The following SLC9C1 variants were observed in gnomAD, a reference collection of about 807,000 sequenced individuals.
SLC9C1 encodes the protein solute carrier family 9 member C1, also known as sodium/hydrogen exchanger 10.
In SLC9C1, 97 loss-of-function variants were observed where a neutral mutation model predicts 140.9. The ratio of observed to expected loss-of-function variants is 0.69; its 90% CI spans 0.58 to 0.82. SLC9C1 has a LOEUF of 0.82. SLC9C1 is among the 40% of genes least tolerant of loss of function. The probability of loss-of-function intolerance (pLI) is 0.00; values close to 1 mark genes in which losing one functional copy is unlikely to be tolerated. For missense variants in SLC9C1, 1,340 were observed against 1,389.3 expected, an observed-to-expected ratio of 0.96 and a Z score of 0.56; for synonymous variants, 440 against 442.6, an observed-to-expected ratio of 0.99 and a Z score of 0.07.
rs191148950 is a variant in SLC9C1 at position 112,183,061 on chromosome 3, C to T, written c.2524-803G>A. 1.5e-3 allele frequency among the ~76,000 whole-genome samples: 225 copies of T among 152,206 alleles called. 3 individuals carry two copies. The highest frequency in any genetic ancestry group is 0.013 in the East Asian group (66 of 5,190). The stretch of plus-strand genomic sequence containing the variant: ...GGGGTTTTTATGAGTAATGCCGCTA[C>T]GAATATAGTGTACAGATGTACATAT... On this transcript the variant is annotated intron_variant, in intron 20 of 28. Transcript: ENST00000305815.
intron 20 of SLC9C1, among the ~76,000 whole-genome samples, chr3:112,192,474 C>T (rs2077683750): frequency 6.6e-6 from 1 of 151,904 alleles, no homozygotes; most frequent in African/African-American, 2.4e-5. Flanking sequence ...ATGTATATAC[C>T]ACATTTTGCT....
chr3:112,222,208 A>G (rs1216693001), intron 13 of SLC9C1, among the ~76,000 whole-genome samples: 1 of 152,218 alleles, frequency 6.6e-6, no homozygotes, highest in African/African-American at 2.4e-5. Context: ...TGAAGATTAT[A>G]TGGATCTCGC....
At chr3:112,254,089 T>C (rs2079538701) in intron 10 of SLC9C1, among the ~76,000 whole-genome samples, 1 of 152,152 alleles carries the variant, frequency 6.6e-6, no homozygotes, top group South Asian at 2.1e-4. Context: ...TATGGGATTA[T>C]GTAAAGGGGT....
At chr3:112,269,402 G>A (rs549524012) in intron 7 of SLC9C1, among the ~76,000 whole-genome samples, 18 of 152,164 alleles carry the variant, frequency 1.2e-4, no homozygotes, top group Non-Finnish European at 2.1e-4. Flanking sequence ...AAGCCACCAC[G>A]CCTGGTAGGA....
chr3:112,188,919 C>G (rs535572932), intron 20 of SLC9C1, among the ~76,000 whole-genome samples: 10 of 152,082 alleles, frequency 6.6e-5, no homozygotes, highest in African/African-American at 1.7e-4. Context: ...TTTTAATGAT[C>G]GCCATTCTAA....
intron 20 of SLC9C1, chr3:112,185,496 A>G (rs1267134132): frequency 1.2e-6 from 2 of 1,610,812 alleles, no homozygotes; most frequent in Non-Finnish European, 1.7e-6. Flanking sequence ...CTGGCTGATG[A>G]TCTCTCCTTT....
chr3:112,269,006 T>C (rs960007246), intron 7 of SLC9C1, among the ~76,000 whole-genome samples: 1 of 152,220 alleles, frequency 6.6e-6, no homozygotes, highest in African/African-American at 2.4e-5. Context: ...ATAACATTGA[T>C]AGATACTCTA....
intron 28 of SLC9C1, among the ~76,000 whole-genome samples, chr3:112,149,315 T>C (rs2074891968): frequency 6.7e-6 from 1 of 149,974 alleles, no homozygotes; most frequent in South Asian, 2.1e-4. Context: ...GTGGGTACTC[T>C]GAATGCCGGT....
At chr3:112,180,148 A>G (rs991784088) in intron 22 of SLC9C1, among the ~76,000 whole-genome samples, 1 of 152,242 alleles carries the variant, frequency 6.6e-6, no homozygotes, top group Non-Finnish European at 1.5e-5. Context: ...GAAACTATGC[A>G]GTTCTTAACA....
chr3:112,223,376 C>A (rs1223505674), intron 13 of SLC9C1, among the ~76,000 whole-genome samples: 1 of 152,060 alleles, frequency 6.6e-6, no homozygotes, highest in African/African-American at 2.4e-5. Flanking sequence ...GCCATGGGTA[C>A]AAGGCCTAGT....
At chr3:112,220,103 C>T (rs2078500129) in intron 14 of SLC9C1, among the ~76,000 whole-genome samples, 1 of 151,898 alleles carries the variant, frequency 6.6e-6, no homozygotes, top group Admixed American at 6.6e-5. Context: ...GACCCTGGTA[C>T]CATAGATGAA....
In SLC9C1 at chr3:112,208,222, T is replaced by C. The variant is rs749189605; in HGVS notation, c.1942A>G (p.Asn648Asp). The C allele has an allele frequency of 2.2e-5, 35 of 1,610,628 alleles. No homozygotes were observed. Among genetic ancestry groups the C allele is most frequent in the Non-Finnish European group, 2.7e-5 (32 of 1,178,728 alleles). Residue 648 changes from asparagine to aspartate, a missense_variant, in exon 16 of 29, where the codon AAC (asparagine) becomes GAC (aspartate). Transcript: ENST00000305815. The stretch of plus-strand genomic sequence containing the variant: ...ATATAAAGTGTAAGAAAACAGTAGT[T>C]AGTGTGTTTTAATTCGCTGTGGTAG... ...VIYHSELKHT[N>D]YCFLTLYILE... is the part of the protein sequence containing the mutation.
At chr3:112,258,858 A>G (rs2079687250) in intron 10 of SLC9C1, among the ~76,000 whole-genome samples, 1 of 152,116 alleles carries the variant, frequency 6.6e-6, no homozygotes, top group African/African-American at 2.4e-5. Flanking sequence ...ACTTACAATC[A>G]CGGCAGAAGG....
intron 6 of SLC9C1, among the ~76,000 whole-genome samples, chr3:112,271,394 T>TATATATATATATATATATATATATATAC (rs1491123190): frequency 2.2e-5 from 1 of 44,456 alleles, no homozygotes; most frequent in Admixed American, 3.0e-4. Context: ...TTCTACATTG[T>TATATATATATATATATATATATATATAC]ATATATATAT....
chr3:112,228,938 GATGA>G (rs1271045867), intron 13 of SLC9C1, among the ~76,000 whole-genome samples: 1 of 145,644 alleles, frequency 6.9e-6, no homozygotes, highest in Non-Finnish European at 1.6e-5. Flanking sequence ...TCCATCAATA[GATGA>G]ATGGATACAG....
chr3:112,192,514 G>A (rs527596393), intron 20 of SLC9C1, among the ~76,000 whole-genome samples: 17 of 152,182 alleles, frequency 1.1e-4, no homozygotes, highest in Non-Finnish European at 2.1e-4. Flanking sequence ...GGACACTTGG[G>A]TGGTGTCTAC....
intron 10 of SLC9C1, among the ~76,000 whole-genome samples, chr3:112,259,357 G>A (rs2108283496): frequency 6.6e-6 from 1 of 151,190 alleles, no homozygotes; most frequent in Middle Eastern, 3.4e-3. Context: ...AACTAGGCTT[G>A]GTACCTGGGT....
intron 13 of SLC9C1, among the ~76,000 whole-genome samples, chr3:112,224,744 CAAAAGAGAAAGAAAAAAGAGA>C (rs2078635482): frequency 7.1e-6 from 1 of 140,676 alleles, no homozygotes; most frequent in Admixed American, 7.2e-5. Flanking sequence ...CCATGTCAGA[CAAAAGAGAAAGAAAAAAGAGA>C]AAAAGAGAAA....
intron 26 of SLC9C1, among the ~76,000 whole-genome samples, chr3:112,166,221 G>C (rs1213760102): frequency 2.6e-5 from 4 of 152,162 alleles, no homozygotes; most frequent in African/African-American, 9.7e-5. Flanking sequence ...TGCTTCCCAG[G>C]TGAGGCAATG....
Sources: gnomAD v4.1 joint callset for allele counts (sites outside exome capture counted in the v4.1 genomes callset) on GRCh38, gnomAD v4.1.1 for gene constraint, MANE v1.5 for transcripts, NCBI Gene and HGNC (gene_info 2026-07-23, HGNC 2026-07-21) for gene names.